The following NR2F1-AS1 variants were observed in gnomAD, a reference collection of about 807,000 sequenced individuals.
The protein encoded by NR2F1-AS1 is NR2F1 antisense RNA 1.
intron 4 of NR2F1-AS1, among the ~76,000 whole-genome samples, chr5:93,519,845 C>A (rs770181438): frequency 7.9e-5 from 12 of 151,866 alleles, no homozygotes; most frequent in Non-Finnish European, 1.5e-4. Flanking sequence ...AAAAATTAGA[C>A]AAAATAACAT....
chr5:93,508,886 G>A (rs905351618), intron 4 of NR2F1-AS1, among the ~76,000 whole-genome samples: 7 of 152,008 alleles, frequency 4.6e-5, no homozygotes, highest in Non-Finnish European at 5.9e-5. Context: ...AAGTATATGA[G>A]GAAAAGGAAA....
At chr5:93,434,682 A>G (rs564160562) in intron 4 of NR2F1-AS1, among the ~76,000 whole-genome samples, 51 of 152,302 alleles carry the variant, frequency 3.3e-4, no homozygotes, top group Non-Finnish European at 6.3e-4. Flanking sequence ...AATTTTTCCA[A>G]TTGTCCCCAA....
intron 1 of NR2F1-AS1, chr5:93,570,759 G>A (rs1752739224): frequency 6.6e-6 from 1 of 152,256 alleles, no homozygotes; most frequent in Admixed American, 6.5e-5. Flanking sequence ...CCGCGGCCCG[G>A]GCCCCTCCGC....
At chr5:93,563,488 T>C (rs568114841) in intron 1 of NR2F1-AS1, 13 of 152,348 alleles carry the variant, frequency 8.5e-5, no homozygotes, top group African/African-American at 3.1e-4. Context: ...GGAAATTTAA[T>C]CAGTGTAAAA....
intron 1 of NR2F1-AS1, among the ~76,000 whole-genome samples, chr5:93,568,010 C>T (rs1752656553): frequency 6.6e-6 from 1 of 152,188 alleles, no homozygotes; most frequent in Non-Finnish European, 1.5e-5. Flanking sequence ...AATTTACCTA[C>T]TAATCTACAA....
intron 2 of NR2F1-AS1, among the ~76,000 whole-genome samples, chr5:93,558,134 G>A (rs1288632988): frequency 6.6e-6 from 1 of 152,078 alleles, no homozygotes; most frequent in African/African-American, 2.4e-5. Flanking sequence ...TCATCCATGA[G>A]TGTTGGAATC....
intron 4 of NR2F1-AS1, among the ~76,000 whole-genome samples, chr5:93,423,800 A>C (rs1273799659): frequency 2.0e-5 from 3 of 152,108 alleles, no homozygotes; most frequent in East Asian, 1.9e-4. Context: ...AATAATCTTA[A>C]TACTACTAGA....
Position 93,421,768 on chromosome 5 carries a change from G to A in NR2F1-AS1, n.639-26226C>T, listed in dbSNP as rs186903411. On this transcript the variant is annotated intron_variant and non_coding_transcript_variant, in intron 4 of 5. Transcript: ENST00000660523. ...ATCTTGGCTGCCGACACTGGATGCC[G>A]CTGAGATTGGTTCTCCTGACAGAGA... Among the ~76,000 whole-genome samples, 737 of 152,288 alleles carry A rather than the reference G, an allele frequency of 4.8e-3. 27 individuals are homozygous for A. Among genetic ancestry groups the A allele is most frequent in the Non-Finnish European group, 1.1e-3 (74 of 68,030 alleles).
At chr5:93,463,170 C>A (rs1226221211) in intron 4 of NR2F1-AS1, among the ~76,000 whole-genome samples, 3 of 152,308 alleles carry the variant, frequency 2.0e-5, no homozygotes, top group African/African-American at 7.2e-5. Context: ...GGCCCCCCTG[C>A]TGTATGCCAC....
chr5:93,499,173 T>TTGTG (rs1238171042), intron 4 of NR2F1-AS1, among the ~76,000 whole-genome samples: 1 of 152,198 alleles, frequency 6.6e-6, no homozygotes, highest in African/African-American at 2.4e-5. Flanking sequence ...GATACATCCT[T>TTGTG]TAAAATTGTT....
intron 1 of NR2F1-AS1, among the ~76,000 whole-genome samples, chr5:93,568,170 C>T (rs2149924978): frequency 6.6e-6 from 1 of 152,210 alleles, no homozygotes; most frequent in South Asian, 2.1e-4. Context: ...TTCCAGCAAG[C>T]AAGTCAGATT....
At chr5:93,515,879 A>G (rs1023102707) in intron 4 of NR2F1-AS1, among the ~76,000 whole-genome samples, 6 of 151,920 alleles carry the variant, frequency 3.9e-5, no homozygotes, top group Non-Finnish European at 7.4e-5. Flanking sequence ...ATAAACTGAA[A>G]ACAGAGTACA....
intron 4 of NR2F1-AS1, among the ~76,000 whole-genome samples, chr5:93,426,888 C>G (rs930603798): frequency 6.6e-6 from 1 of 151,984 alleles, no homozygotes; most frequent in Non-Finnish European, 1.5e-5. Context: ...AATAAAAGTT[C>G]CCCCCCTCCC....
chr5:93,539,111 C>T (rs1230873089), intron 4 of NR2F1-AS1, among the ~76,000 whole-genome samples: 1 of 152,078 alleles, frequency 6.6e-6, no homozygotes, highest in East Asian at 1.9e-4. Flanking sequence ...AAACCCATCT[C>T]TACAAAAAAT....
intron 4 of NR2F1-AS1, among the ~76,000 whole-genome samples, chr5:93,472,960 A>G (rs1750400655): frequency 6.6e-6 from 1 of 151,954 alleles, no homozygotes; most frequent in African/African-American, 2.4e-5. Flanking sequence ...TTTAAACATG[A>G]CCTGAACAAT....
At chr5:93,412,431 A>C (rs982028985) in intron 4 of NR2F1-AS1, among the ~76,000 whole-genome samples, 28 of 152,188 alleles carry the variant, frequency 1.8e-4, no homozygotes, top group Admixed American at 6.5e-5. Flanking sequence ...TGTAACCTTC[A>C]ACCCATCCTC....
chr5:93,430,595 A>G lies in NR2F1-AS1; in HGVS notation n.639-35053T>C, dbSNP rs186056967. ...GAAATTTGGCTTATTCAGTATTCAG[A>G]GTAATTATCTGTTAGGAATGTAAAA... On this transcript the variant is annotated intron_variant and non_coding_transcript_variant, in intron 4 of 5. Transcript: ENST00000660523. 7.8e-3 allele frequency among the ~76,000 whole-genome samples: 1,185 copies of G among 152,316 alleles called. 7 individuals are homozygous for G. Among genetic ancestry groups the G allele is most frequent in the Non-Finnish European group, 0.011 (775 of 68,020 alleles).
At chr5:93,572,123 A>T (rs1375142610) in intron 1 of NR2F1-AS1, among the ~76,000 whole-genome samples, 1 of 152,224 alleles carries the variant, frequency 6.6e-6, no homozygotes, top group African/African-American at 2.4e-5. Flanking sequence ...GGTTCTGGAC[A>T]GACTTGGTCT....
chr5:93,576,667 A>G (rs1357311524), intron 1 of NR2F1-AS1, among the ~76,000 whole-genome samples: 1 of 152,244 alleles, frequency 6.6e-6, no homozygotes, highest in Non-Finnish European at 1.5e-5. Flanking sequence ...AAAGAAAGTG[A>G]CATTAAACAC....
Sources: gnomAD v4.1 joint callset for allele counts (sites outside exome capture counted in the v4.1 genomes callset) on GRCh38, gnomAD v4.1.1 for gene constraint, MANE v1.5 for transcripts, NCBI Gene and HGNC (gene_info 2026-07-23, HGNC 2026-07-21) for gene names.